Variants in GRIA3 observed in about 807,000 individuals in gnomAD.
GRIA3 encodes glutamate ionotropic receptor AMPA type subunit 3.
A neutral mutation model predicts 63.0 loss-of-function variants in GRIA3; 3 were observed. The ratio of observed to expected loss-of-function variants is 0.05; its 90% CI spans 0.02 to 0.12. The LOEUF (loss-of-function observed/expected upper bound fraction) is 0.12. Ranked by LOEUF, GRIA3 falls within the 10% of genes least tolerant of loss-of-function variation. The probability of loss-of-function intolerance (pLI) is 1.00; values close to 1 mark genes in which losing one functional copy is unlikely to be tolerated. For missense variants in GRIA3, 347 were observed against 700.9 expected (o/e 0.50, Z 5.70); for synonymous variants, 274 against 257.9 (o/e 1.06, Z -0.60).
At chrX:123,321,277 C>A (rs907100361) in intron 3 of GRIA3, among the ~76,000 whole-genome samples, 11 of 111,964 alleles carry the variant, frequency 9.8e-5, no homozygotes, top group African/African-American at 3.2e-4. Context: ...GGCAAACCCT[C>A]TGAGAATCAC....
At chrX:123,438,365 T>A (rs2045656138) in intron 12 of GRIA3, among the ~76,000 whole-genome samples, 1 of 112,688 alleles carries the variant, frequency 8.9e-6, no homozygotes, top group Non-Finnish European at 1.9e-5. Context: ...CACATTTTGC[T>A]TATCTATTCA....
At chrX:123,476,416 G>A (rs2045887397) in intron 13 of GRIA3, among the ~76,000 whole-genome samples, 1 of 111,658 alleles carries the variant, frequency 9.0e-6, no homozygotes, top group South Asian at 3.8e-4. Flanking sequence ...TTAGGATTGG[G>A]CTAGGTAACA....
intron 2 of GRIA3, among the ~76,000 whole-genome samples, chrX:123,231,571 G>A (rs2044276649): frequency 8.9e-6 from 1 of 111,894 alleles, no homozygotes; most frequent in Non-Finnish European, 1.9e-5. Flanking sequence ...AATCCATGCT[G>A]TAAAGATTAA....
At chrX:123,414,398 A>G (rs1040036243) in intron 10 of GRIA3, among the ~76,000 whole-genome samples, 1 of 112,178 alleles carries the variant, frequency 8.9e-6, no homozygotes, top group African/African-American at 3.2e-5. Context: ...GAGCCCGAGA[A>G]CTGGCATTTC....
chrX:123,307,444 G>A (rs758462083), intron 3 of GRIA3, among the ~76,000 whole-genome samples: 1 of 111,805 alleles, frequency 8.9e-6, no homozygotes, highest in South Asian at 3.8e-4. Context: ...GATTTGATAT[G>A]GGATTCAGGG....
intron 7 of GRIA3, among the ~76,000 whole-genome samples, chrX:123,399,850 C>T (rs1291663415): frequency 1.8e-5 from 2 of 111,623 alleles, no homozygotes; most frequent in Non-Finnish European, 3.8e-5. Flanking sequence ...GTTAGTAGCC[C>T]TTGTGTCTCT....
chrX:123,454,978 C>A (rs1409363308), intron 12 of GRIA3, among the ~76,000 whole-genome samples: 1 of 111,748 alleles, frequency 8.9e-6, no homozygotes, highest in Non-Finnish European at 1.9e-5. Context: ...GGAAAGGAGA[C>A]ATCAGAAATA....
At chrX:123,279,836 A>G (rs1033568295) in intron 3 of GRIA3, among the ~76,000 whole-genome samples, 3 of 111,759 alleles carry the variant, frequency 2.7e-5, no homozygotes, top group Non-Finnish European at 3.8e-5. Context: ...AGTTCTACCT[A>G]TGGCTCAGGA....
At chrX:123,258,646 CCA>C (rs2147286019) in intron 3 of GRIA3, among the ~76,000 whole-genome samples, 1 of 111,756 alleles carries the variant, frequency 8.9e-6, no homozygotes, top group East Asian at 2.8e-4. Flanking sequence ...TGGGCACAGC[CCA>C]CAGAGATGAA....
intron 3 of GRIA3, among the ~76,000 whole-genome samples, chrX:123,276,408 T>A (rs1406556884): frequency 1.8e-5 from 2 of 111,737 alleles, no homozygotes; most frequent in Non-Finnish European, 3.8e-5. Context: ...GGGTCCTGTA[T>A]AACAGCTGAG....
chrX:123,367,426 G>GT (rs1268934239), intron 5 of GRIA3, among the ~76,000 whole-genome samples: 1 of 104,403 alleles, frequency 9.6e-6, no homozygotes, highest in Non-Finnish European at 2.0e-5. Flanking sequence ...TCTTTTTTTT[G>GT]TTTTTTGTTT....
chrX:123,327,656 G>A (rs2044914449), intron 4 of GRIA3, among the ~76,000 whole-genome samples: 2 of 111,163 alleles, frequency 1.8e-5, no homozygotes, highest in South Asian at 7.7e-4. Context: ...GAAAAGGAAG[G>A]AGGGAAACTG....
Position 123,214,835 on chromosome X carries a change from C to A in GRIA3, c.268+28845C>A, listed in dbSNP as rs191226717. ...TACACTTTGAGAATGTGCTGCTACG[C>A]AACAGTGTTTCTCTAAGTGTCAGTG... On this transcript the variant is annotated intron_variant, in intron 2 of 15. Coordinates refer to ENST00000620443, the MANE Select transcript of GRIA3 (RefSeq NM_007325.5). Among the ~76,000 whole-genome samples, 280 of 112,217 alleles carry A rather than the reference C, an allele frequency of 2.5e-3. 1 individual carries two copies. The highest frequency in any genetic ancestry group is 9.1e-3 in the Middle Eastern group (2 of 219).
chrX:123,467,185 C>T (rs2045838861), intron 13 of GRIA3, among the ~76,000 whole-genome samples: 1 of 112,206 alleles, frequency 8.9e-6, no homozygotes, highest in South Asian at 3.7e-4. Context: ...TTAAAAAATA[C>T]TTACCAAGAG....
intron 5 of GRIA3, among the ~76,000 whole-genome samples, chrX:123,374,165 T>TA (rs1229731302): frequency 1.8e-5 from 2 of 111,835 alleles, no homozygotes; most frequent in Admixed American, 1.9e-4. Context: ...CAGATGGTTG[T>TA]AGATGTGTGG....
chrX:123,433,121 TC>T (rs1423687446), intron 12 of GRIA3, among the ~76,000 whole-genome samples: 1 of 112,190 alleles, frequency 8.9e-6, no homozygotes, highest in East Asian at 2.8e-4. Flanking sequence ...AATGCTCTCT[TC>T]TGGAAATAGG....
intron 2 of GRIA3, among the ~76,000 whole-genome samples, chrX:123,233,508 T>C (rs1301061931): frequency 1.8e-5 from 2 of 111,511 alleles, no homozygotes; most frequent in Non-Finnish European, 3.8e-5. Context: ...CCCAGGTCTC[T>C]TCTAGCTCTC....
chrX:123,276,255 C>T (rs1486945418), intron 3 of GRIA3, among the ~76,000 whole-genome samples: 5 of 112,129 alleles, frequency 4.5e-5, no homozygotes, highest in Non-Finnish European at 7.5e-5. Context: ...TTTTGAAGCT[C>T]ATTTGGAAAA....
intron 10 of GRIA3, among the ~76,000 whole-genome samples, chrX:123,414,727 C>A (rs1040274447): frequency 5.4e-5 from 6 of 110,445 alleles, no homozygotes; most frequent in Non-Finnish European, 1.1e-4. Flanking sequence ...CAGCTTCATC[C>A]ATGTCCCTGC....
Sources: allele counts gnomAD v4.1 joint callset (sites outside exome capture counted in the v4.1 genomes callset), GRCh38; gene constraint gnomAD v4.1.1; transcripts MANE v1.5; gene names NCBI Gene and HGNC (gene_info 2026-07-23, HGNC 2026-07-21).